POLR1B: variants seen among roughly 807,000 people sequenced by gnomAD.
POLR1B encodes RNA polymerase I subunit B.
A neutral mutation model predicts 105.8 loss-of-function variants in POLR1B; 30 were observed. The ratio of observed to expected loss-of-function variants is 0.28; its 90% CI spans 0.21 to 0.38. The LOEUF is 0.38. POLR1B is among the 10% of genes least tolerant of loss of function. The probability of loss-of-function intolerance (pLI) is 1.00; values close to 1 mark genes in which losing one functional copy is unlikely to be tolerated. For synonymous variants in POLR1B, 485 were observed against 505.1 expected, an observed-to-expected ratio of 0.96 and a Z score of 0.53; for missense variants, 976 against 1,435.8, an observed-to-expected ratio of 0.68 and a Z score of 5.17.
Position 112,547,147 on chromosome 2 carries a change from G to A in POLR1B, c.313G>A (p.Gly105Ser). The A allele has an allele frequency of 6.2e-7, 1 of 1,614,146 alleles. No homozygotes were observed. Among genetic ancestry groups the A allele is most frequent in the Non-Finnish European group, 8.5e-7 (1 of 1,180,028 alleles). The change falls in exon 2 of 15, where the codon GGC becomes AGC. Residue 105 changes from glycine to serine, a missense_variant. Physicochemically the swap from Gly to Ser is moderately conservative, Grantham distance 56 (BLOSUM62 0). Coordinates refer to ENST00000263331, the MANE Select transcript of POLR1B (RefSeq NM_019014.6). ...EANVYPAECR[G>S]RRSTYRGKLT... ...CAATGTTTATCCAGCAGAATGCCGG[G>A]GCCGAAGGAGTACCTACCGTGGGAA...
At chr2:112,543,145 G>A (rs530874783) in intron 1 of POLR1B, among the ~76,000 whole-genome samples, 23 of 152,330 alleles carry the variant, frequency 1.5e-4, no homozygotes, top group African/African-American at 4.8e-4. Flanking sequence ...CAGGTGCCGA[G>A]GAAGGTATAA....
rs1202138760 is a variant in POLR1B at position 112,568,094 on chromosome 2, A to G, written c.1874A>G (p.Asn625Ser). 6.2e-7 allele frequency: 1 copy of G among 1,614,104 alleles called. No individual in the cohort carries two copies. The highest frequency in any genetic ancestry group is 8.5e-7 in the Non-Finnish European group (1 of 1,180,028). Reference sequence around the variant, plus strand: ...TGTAGACTGGTACGGCCTGTGCAGAACTTAGCATTGGGCAAAGAAGAGCTA... The same window carrying G: ...TGTAGACTGGTACGGCCTGTGCAGAGCTTAGCATTGGGCAAAGAAGAGCTA... ...TPCRLVRPVQ[N>S]LALGKEELIG... The change falls in exon 11 of 15, where the codon AAC becomes AGC. Residue 625 changes from asparagine (N) to serine (S), a missense_variant. Asn to Ser is a conservative substitution (Grantham distance 46). Coordinates refer to ENST00000263331, the MANE Select transcript of POLR1B (RefSeq NM_019014.6).
rs777358649 is a variant in POLR1B, at chr2:112,552,740, G to A, written c.1082G>A (p.Cys361Tyr). 5 of 1,612,264 alleles carry A rather than the reference G, an allele frequency of 3.1e-6. 1 individual carries two copies. In the African/African-American group the frequency reaches 6.7e-5, roughly 22 times the overall value. The change falls in exon 7 of 15, where the codon TGC (cysteine) becomes TAC (tyrosine). Residue 361 changes from cysteine to tyrosine, a missense_variant. Transcript: ENST00000263331. Reference sequence around the variant, plus strand: ...CTCTTTGCTTTAGCCAAAGGAGAGTGCATGGAGGACAATCCTGATAGTTTG... The same window carrying A: ...CTCTTTGCTTTAGCCAAAGGAGAGTACATGGAGGACAATCCTGATAGTTTG... The part of the protein sequence containing the change: ...RKLFALAKGE[C>Y]MEDNPDSLVN...
At chr2:112,569,822 A>AGTG (rs1684497571) in intron 12 of POLR1B, among the ~76,000 whole-genome samples, 3 of 151,848 alleles carry the variant, frequency 2.0e-5, no homozygotes, top group Admixed American at 1.3e-4. Context: ...GGCCTCCCAA[A>AGTG]GTGCTGTATT....
chr2:112,561,826 CTGTT>C lies in POLR1B; in HGVS notation c.1612+2274_1612+2277del, dbSNP rs371455583. ...TGCACTCGGAGGCAATTTGTTTTTT[CTGTT>C]TGTTTGTTTGTTTGTTTGTTTTGTA... On this transcript the variant is annotated intron_variant, in intron 9 of 14. Coordinates refer to ENST00000263331, the MANE Select transcript of POLR1B (RefSeq NM_019014.6). Among the ~76,000 whole-genome samples the C allele has an allele frequency of 1.8e-4, 28 of 151,870 alleles. No homozygotes were observed. The South Asian group carries it at 1.9e-3, about 10-fold the overall frequency.
chr2:112,552,006 T>C lies in POLR1B; in HGVS notation c.986+8T>C. On this transcript the variant is annotated splice_region_variant and intron_variant, in intron 6 of 14. Coordinates refer to ENST00000263331, the MANE Select transcript of POLR1B (RefSeq NM_019014.6). ...TGCGGAGTTCCTGTTTAAGTATGTGTGCTTTGTCTAAACTGTTTTTGGAGG... is the reference window on the plus strand; with the variant it reads ...TGCGGAGTTCCTGTTTAAGTATGTGCGCTTTGTCTAAACTGTTTTTGGAGG... The C allele has an allele frequency of 2.5e-6, 4 of 1,610,698 alleles. No homozygotes were observed. Among genetic ancestry groups the C allele is most frequent in the Non-Finnish European group, 3.4e-6 (4 of 1,176,998 alleles).
intron 11 of POLR1B, among the ~76,000 whole-genome samples, chr2:112,568,506 A>G (rs1361105243): frequency 5.3e-5 from 8 of 152,152 alleles, no homozygotes; most frequent in African/African-American, 1.4e-4. Context: ...CTACTTAAAA[A>G]TTTTTCTTCC....
chr2:112,559,322 T>A lies in POLR1B; in HGVS notation c.1360T>A (p.Cys454Ser). 1 of 1,614,204 alleles carries A rather than the reference T, an allele frequency of 6.2e-7. No individual in the cohort carries two copies. The highest frequency in any genetic ancestry group is 8.5e-7 in the Non-Finnish European group (1 of 1,180,034). ...GLGLLQDSGL[C>S]VVADKLNFIR... ...TGGCCTCCTACAAGATTCTGGACTTTGTGTTGTGGCTGACAAGCTGAACTT... is the reference window on the plus strand; with the variant it reads ...TGGCCTCCTACAAGATTCTGGACTTAGTGTTGTGGCTGACAAGCTGAACTT... Residue 454 changes from cysteine (C) to serine (S), a missense_variant, in exon 9 of 15, where the codon TGT becomes AGT. Physicochemically the swap from Cys to Ser is moderately radical, Grantham distance 112. Around this residue, in one of 12 missense-constraint regions of POLR1B, gnomAD observed 452 missense variants for 616.5 expected, o/e 0.73. Transcript: ENST00000263331.
At chr2:112,574,012 AT>A (rs1428025101) in intron 14 of POLR1B, among the ~76,000 whole-genome samples, 197 bp downstream of exon 14, 1 of 151,834 alleles carries the variant, frequency 6.6e-6, no homozygotes, top group Non-Finnish European at 1.5e-5. Flanking sequence ...TGCCCAGCTA[AT>A]TTTTTGTATT....
At chr2:112,574,235 G>GCTCATACCTCTTATTAGAA (rs1452682596) in intron 14 of POLR1B, among the ~76,000 whole-genome samples, 1 of 152,090 alleles carries the variant, frequency 6.6e-6, no homozygotes, top group African/African-American at 2.4e-5. Flanking sequence ...AAAATGTTGA[G>GCTCATACCTCTTATTAGAA]CTCATACCTC....
intron 2 of POLR1B, 21 bp from the exon 3 acceptor site, chr2:112,547,398 CTT>C (rs1431091694): frequency 1.2e-6 from 2 of 1,606,154 alleles, no homozygotes; most frequent in South Asian, 2.2e-5. Context: ...TGTTAAGTAA[CTT>C]TTTCTCTTGT....
chr2:112,542,757 C>T (rs1682827903), intron 1 of POLR1B, 86 bp downstream of exon 1: 1 of 1,483,976 alleles, frequency 6.7e-7, no homozygotes, highest in African/African-American at 1.4e-5. Context: ...ACCCCAGATG[C>T]ATGTGCTCCT....
chr2:112,573,811 T>C lies in POLR1B; in HGVS notation c.2521T>C (p.Tyr841His), dbSNP rs747468465. ...CACCGGGGAAAGTTTTGTGATGTAC[T>C]ATAAGTAAGTTTGGGTATCCAAGCT... is the stretch of plus-strand genomic sequence containing the variant. ...LNTGESFVMY[Y>H]KSKENCVVDN... The change falls in exon 14 of 15, where the codon TAT (tyrosine) becomes CAT (histidine). Residue 841 changes from tyrosine to histidine, a missense_variant. Coordinates refer to ENST00000263331, the MANE Select transcript of POLR1B (RefSeq NM_019014.6). 6.2e-7 allele frequency: 1 copy of C among 1,610,102 alleles called. No individual in the cohort carries two copies. Among genetic ancestry groups the C allele is most frequent in the Non-Finnish European group, 8.5e-7 (1 of 1,177,038 alleles).
rs1684834905 is a variant in POLR1B, at chr2:112,575,791, C to T, written c.*62C>T. The T allele has an allele frequency of 2.7e-6, 4 of 1,496,242 alleles. No individual in the cohort carries two copies. Among genetic ancestry groups the T allele is most frequent in the Non-Finnish European group, 3.6e-6 (4 of 1,108,996 alleles). 92.7% of individuals were successfully genotyped at this position (1,496,242 alleles called of 1,614,324 possible). On this transcript the variant is annotated 3_prime_UTR_variant, in exon 15 of 15. Coordinates refer to ENST00000263331, the MANE Select transcript of POLR1B (RefSeq NM_019014.6). This position sits in a 1 kb window ranked among gnomAD's most constrained non-coding sequence, Gnocchi z 5.3. ...ATTAAAGCAAAATGTAATTTTAATT[C>T]AATGAAGATATCATTACCAGGTTAC...
At chr2:112,567,894 TG>T in intron 10 of POLR1B, 72 bp from the exon 11 acceptor site, 1 of 1,298,392 alleles carries the variant, frequency 7.7e-7, no homozygotes, top group Middle Eastern at 1.9e-4. Flanking sequence ...TGGTATTCCA[TG>T]GGGCATAAGA....
chr2:112,545,952 T>G (rs530265568), intron 1 of POLR1B: 2 of 155,306 alleles, frequency 1.3e-5, no homozygotes, highest in Non-Finnish European at 2.9e-5. Flanking sequence ...GCTTTTATTT[T>G]TAAATAAAAT....
chr2:112,572,499 G>T, intron 12 of POLR1B, 63 bp from the exon 13 acceptor site: 1 of 1,215,452 alleles, frequency 8.2e-7, no homozygotes, highest in Non-Finnish European at 1.1e-6. Flanking sequence ...CCAGTGTTGC[G>T]TATCACACCT....
chr2:112,565,730 A>C (rs1684243697), intron 10 of POLR1B, among the ~76,000 whole-genome samples: 1 of 151,738 alleles, frequency 6.6e-6, no homozygotes, highest in East Asian at 1.9e-4. Flanking sequence ...GGCTACCCTG[A>C]CCCAGTCCTT....
rs189579139 is a variant in POLR1B, at chr2:112,547,612, T to G, written c.492+45T>G. On this transcript the variant is annotated intron_variant, in intron 3 of 14. Transcript: ENST00000263331. ...CATGAGACAGTAGAGAAGGCCTGGGTTGGGAGTAAGAAGACAAGAAGTGTG... is the reference window on the plus strand; with the variant it reads ...CATGAGACAGTAGAGAAGGCCTGGGGTGGGAGTAAGAAGACAAGAAGTGTG... 416 of 1,583,810 alleles carry G rather than the reference T, an allele frequency of 2.6e-4. 4 individuals are homozygous for G. The East Asian group carries it at 9.2e-3, about 35-fold the overall frequency.
Sources: gnomAD v4.1 joint callset for allele counts (sites outside exome capture counted in the v4.1 genomes callset) on GRCh38, gnomAD v4.1.1 for gene constraint, gnomAD v4.1.1 regional missense constraint, Gnocchi (gnomAD v3.1) non-coding constraint, MANE v1.5 for transcripts, NCBI Gene and HGNC (gene_info 2026-07-23, HGNC 2026-07-21) for gene names.